The following CACNB2 variants were observed in gnomAD, a reference collection of about 807,000 sequenced individuals.
CACNB2 encodes calcium voltage-gated channel auxiliary subunit beta 2.
Under a neutral mutation model 73.3 loss-of-function variants are expected in CACNB2, and 42 were observed. That is an observed-to-expected ratio of 0.57 (90% CI 0.45 to 0.74). CACNB2 has a LOEUF of 0.74. CACNB2 is among the 30% of genes least tolerant of loss of function. CACNB2 has a pLI of 0.00. For synonymous variants in CACNB2, 348 were observed against 310.3 expected (o/e 1.12, Z -1.28); for missense variants, 940 against 853.0 (o/e 1.10, Z -1.27).
chr10:18,276,844 G>T (rs1282927139), intron 2 of CACNB2, among the ~76,000 whole-genome samples: 3 of 152,194 alleles, frequency 2.0e-5, no homozygotes, highest in Admixed American at 2.0e-4. Context: ...CTCCCAAAGC[G>T]CTAGGATTAA....
At chr10:18,524,153 A>T (rs1206784942) in intron 9 of CACNB2, among the ~76,000 whole-genome samples, 2 of 152,198 alleles carry the variant, frequency 1.3e-5, no homozygotes, top group Non-Finnish European at 2.9e-5. Flanking sequence ...GGTGACAGGT[A>T]AATTAACAAG....
chr10:18,373,898 G>A (rs1272050491), intron 2 of CACNB2, among the ~76,000 whole-genome samples: 1 of 152,160 alleles, frequency 6.6e-6, no homozygotes, highest in African/African-American at 2.4e-5. Context: ...AAGTTAAGAT[G>A]TAAAAACAGA....
At chr10:18,313,081 A>AT (rs1312962627) in intron 2 of CACNB2, among the ~76,000 whole-genome samples, 2 of 152,140 alleles carry the variant, frequency 1.3e-5, no homozygotes, top group Non-Finnish European at 2.9e-5. Context: ...GACTGTGATC[A>AT]TTTTTTATAG....
At chr10:18,353,351 A>G (rs1222635872) in intron 2 of CACNB2, among the ~76,000 whole-genome samples, 1 of 152,064 alleles carries the variant, frequency 6.6e-6, no homozygotes, top group African/African-American at 2.4e-5. Context: ...CAGAGTTTGC[A>G]GTGAGCTGAG....
At chr10:18,476,130 C>T (rs983750652) in intron 3 of CACNB2, among the ~76,000 whole-genome samples, 3 of 152,136 alleles carry the variant, frequency 2.0e-5, no homozygotes, top group African/African-American at 7.2e-5. Context: ...GTGGGCAGTT[C>T]CTGAAACTGA....
At chr10:18,341,044 A>C in intron 2 of CACNB2, 1 of 1,499,604 alleles carries the variant, frequency 6.7e-7, no homozygotes, top group Non-Finnish European at 9.3e-7. Context: ...AATGCATAGA[A>C]CTGTTGCCGA....
chr10:18,360,541 C>A (rs2042101045), intron 2 of CACNB2, among the ~76,000 whole-genome samples: 1 of 152,118 alleles, frequency 6.6e-6, no homozygotes, highest in South Asian at 2.1e-4. Flanking sequence ...GTTGTTAAGG[C>A]AATATTTATG....
At chr10:18,247,416 A>G (rs2036909159) in intron 2 of CACNB2, among the ~76,000 whole-genome samples, 1 of 152,226 alleles carries the variant, frequency 6.6e-6, no homozygotes, top group Non-Finnish European at 1.5e-5. Context: ...ATAAGCCAAA[A>G]TAGAACCAAG....
intron 2 of CACNB2, among the ~76,000 whole-genome samples, chr10:18,283,336 T>TA (rs1564402349): frequency 3.3e-5 from 5 of 152,164 alleles, no homozygotes; most frequent in African/African-American, 1.2e-4. Context: ...ACCCAAAGGA[T>TA]TATACGTCAT....
intron 2 of CACNB2, among the ~76,000 whole-genome samples, chr10:18,219,592 G>C (rs1281566323): frequency 1.3e-5 from 2 of 152,138 alleles, no homozygotes; most frequent in African/African-American, 4.8e-5. Flanking sequence ...ATCTGGCTCT[G>C]TACATGACTT....
At chr10:18,427,077 T>C (rs2045643576) in intron 3 of CACNB2, among the ~76,000 whole-genome samples, 1 of 148,950 alleles carries the variant, frequency 6.7e-6, no homozygotes, top group African/African-American at 2.5e-5. Flanking sequence ...TGCCTTAGCC[T>C]CCCTAGTAGC....
At chr10:18,170,547 C>G (rs1324269201) in intron 2 of CACNB2, among the ~76,000 whole-genome samples, 6 of 152,150 alleles carry the variant, frequency 3.9e-5, no homozygotes, top group Non-Finnish European at 8.8e-5. Flanking sequence ...GTCATGTGTA[C>G]TGCCTCTATA....
chr10:18,407,109 C>CTTTTTGTTTT (rs2044333409), intron 3 of CACNB2, among the ~76,000 whole-genome samples: 1 of 35,574 alleles, frequency 2.8e-5, no homozygotes, highest in Non-Finnish European at 5.2e-5. Flanking sequence ...GCTGTTCTGT[C>CTTTTTGTTTT]TTTTTTTTTT....
intron 3 of CACNB2, among the ~76,000 whole-genome samples, chr10:18,405,175 G>A (rs2044217727): frequency 2.0e-5 from 3 of 152,130 alleles, no homozygotes; most frequent in Admixed American, 6.5e-5. Context: ...AGTATGTTCA[G>A]AGGTGTACAA....
At chr10:18,145,007 G>A (rs1332818161) in intron 1 of CACNB2, among the ~76,000 whole-genome samples, 2 of 152,202 alleles carry the variant, frequency 1.3e-5, no homozygotes, top group African/African-American at 2.4e-5. Flanking sequence ...AACAAGAACA[G>A]TATCTCAGCA....
At chr10:18,381,521 C>T (rs2132370712) in intron 2 of CACNB2, among the ~76,000 whole-genome samples, 1 of 151,908 alleles carries the variant, frequency 6.6e-6, no homozygotes. Context: ...AACCCCGTCT[C>T]TACTAAAAAT....
chr10:18,373,728 AT>A (rs1427302947), intron 2 of CACNB2, among the ~76,000 whole-genome samples: 2 of 152,040 alleles, frequency 1.3e-5, no homozygotes, highest in African/African-American at 4.8e-5. Context: ...TATTTTTTTG[AT>A]TTATATTTAG....
intron 3 of CACNB2, among the ~76,000 whole-genome samples, chr10:18,407,207 C>T (rs1589261637): frequency 6.9e-6 from 1 of 143,912 alleles, no homozygotes; most frequent in South Asian, 2.3e-4. Context: ...AGTGCAACTC[C>T]ACCTCCCGGG....
chr10:18,298,767 G>A (rs145823822), intron 2 of CACNB2, among the ~76,000 whole-genome samples: 129 of 152,314 alleles, frequency 8.5e-4, no homozygotes, highest in African/African-American at 3.1e-3. Flanking sequence ...CACTGTGAGA[G>A]GGGCAGATGG....
Sources: gnomAD v4.1 joint callset for allele counts (sites outside exome capture counted in the v4.1 genomes callset) on GRCh38, gnomAD v4.1.1 for gene constraint, MANE v1.5 for transcripts, NCBI Gene and HGNC (gene_info 2026-07-23, HGNC 2026-07-21) for gene names.